SYNDIG1: variants seen among roughly 807,000 people sequenced by gnomAD.
The protein encoded by SYNDIG1 is synapse differentiation inducing 1, also known as synapse differentiation-inducing gene protein 1.
SYNDIG1 carries 9 observed loss-of-function variants against 19.4 expected under a neutral mutation model. The observed-to-expected ratio is 0.46, with a 90% CI of 0.28 to 0.81. SYNDIG1 has a LOEUF of 0.81. SYNDIG1 is among the 30% of genes least tolerant of loss of function. The pLI, the probability that SYNDIG1 is intolerant of heterozygous loss-of-function variation, is 0.12. For missense variants in SYNDIG1, 311 were observed against 343.3 expected, an observed-to-expected ratio of 0.91 and a Z score of 0.74; for synonymous variants, 141 against 145.9, an observed-to-expected ratio of 0.97 and a Z score of 0.24.
chr20:24,495,245 C>T (rs1467632405), intron 1 of SYNDIG1, among the ~76,000 whole-genome samples: 1 of 152,210 alleles, frequency 6.6e-6, no homozygotes, highest in Non-Finnish European at 1.5e-5. Flanking sequence ...TTTCAGAAGA[C>T]AGGACTACCC....
intron 2 of SYNDIG1, among the ~76,000 whole-genome samples, chr20:24,578,119 G>T (rs924766742): frequency 6.6e-6 from 1 of 152,210 alleles, no homozygotes; most frequent in Non-Finnish European, 1.5e-5. Flanking sequence ...TGGATAAAAT[G>T]TGCAGATTTC....
In SYNDIG1 at chr20:24,665,503, G is replaced by A; in HGVS notation, c.776G>A (p.Ter259=). ...IAYLSKNNHL[*] Reference sequence around the variant, plus strand: ...TACCTCTCCAAGAACAACCACCTGTGAGCTTCCTGCGAATGGAGGGGGAGC... The same window carrying A: ...TACCTCTCCAAGAACAACCACCTGTAAGCTTCCTGCGAATGGAGGGGGAGC... Residue 259 remains the stop codon, a stop_retained_variant, in exon 4 of 4, where the codon TGA becomes TAA. Transcript: ENST00000376862. 3 of 1,613,846 alleles carry A rather than the reference G, an allele frequency of 1.9e-6. No homozygotes were observed. Among genetic ancestry groups the A allele is most frequent in the Non-Finnish European group, 2.5e-6 (3 of 1,179,934 alleles).
chr20:24,504,702 C>A (rs184906340), intron 1 of SYNDIG1, among the ~76,000 whole-genome samples: 1 of 152,162 alleles, frequency 6.6e-6, no homozygotes, highest in Non-Finnish European at 1.5e-5. Context: ...AGGCCAGTCA[C>A]GAGGGAACAT....
intron 3 of SYNDIG1, among the ~76,000 whole-genome samples, chr20:24,610,907 G>T (rs2058836841): frequency 6.6e-6 from 1 of 152,152 alleles, no homozygotes; most frequent in Admixed American, 6.5e-5. Context: ...CTTCTTTGAG[G>T]ACTTTGCCCT....
intron 1 of SYNDIG1, among the ~76,000 whole-genome samples, chr20:24,517,007 T>C (rs1263623691): frequency 2.0e-5 from 3 of 152,152 alleles, no homozygotes; most frequent in African/African-American, 7.2e-5. Context: ...TGTAGGGACA[T>C]GGATGAAGCT....
intron 1 of SYNDIG1, among the ~76,000 whole-genome samples, chr20:24,521,183 G>A (rs1452774064): frequency 6.6e-6 from 1 of 152,200 alleles, no homozygotes; most frequent in East Asian, 1.9e-4. Context: ...ATTCAGGGTA[G>A]CATATGCCAT....
At chr20:24,512,513 G>A (rs1247380181) in intron 1 of SYNDIG1, among the ~76,000 whole-genome samples, 1 of 151,940 alleles carries the variant, frequency 6.6e-6, no homozygotes, top group Non-Finnish European at 1.5e-5. Flanking sequence ...GGCTCCGAGG[G>A]TCCCACGCCC....
At chr20:24,642,757 A>G (rs1290006016) in intron 3 of SYNDIG1, among the ~76,000 whole-genome samples, 2 of 151,482 alleles carry the variant, frequency 1.3e-5, no homozygotes, top group Non-Finnish European at 2.9e-5. Context: ...CTTCAGGTTC[A>G]TCTTGTATGC....
At chr20:24,549,467 G>A (rs1262549443) in intron 2 of SYNDIG1, among the ~76,000 whole-genome samples, 2 of 152,130 alleles carry the variant, frequency 1.3e-5, no homozygotes, top group Non-Finnish European at 2.9e-5. Flanking sequence ...CTTGCAGGAC[G>A]TGGGGTGGGT....
chr20:24,557,738 G>A (rs2057852933), intron 2 of SYNDIG1, among the ~76,000 whole-genome samples: 1 of 152,204 alleles, frequency 6.6e-6, no homozygotes, highest in Non-Finnish European at 1.5e-5. Context: ...TCCCAGTTAG[G>A]CTGCTCGGGG....
At chr20:24,629,595 A>G (rs566661881) in intron 3 of SYNDIG1, among the ~76,000 whole-genome samples, 2 of 152,042 alleles carry the variant, frequency 1.3e-5, no homozygotes, top group South Asian at 4.2e-4. Context: ...TGTTGTGTCA[A>G]GACCATACAA....
intron 1 of SYNDIG1, among the ~76,000 whole-genome samples, chr20:24,498,944 A>AT (rs2056372854): frequency 6.6e-6 from 1 of 152,102 alleles, no homozygotes; most frequent in Non-Finnish European, 1.5e-5. Context: ...TCGAGTTTCC[A>AT]TTTTTTGAGA....
At position 24,561,759 on chromosome 20, in the gene SYNDIG1, T is replaced by C. The variant is rs2057950789; in HGVS notation, c.480+18182T>C. On this transcript the variant is annotated intron_variant, in intron 2 of 3. Coordinates refer to ENST00000376862, the MANE Select transcript of SYNDIG1 (RefSeq NM_024893.3). ...CCTAGCAGAAGCCGTGCCAGGATAC[T>C]ATCTAAGCGCTGGGCGTGCATTTCC... Among the ~76,000 whole-genome samples the C allele has an allele frequency of 2.0e-5, 3 of 152,132 alleles. No homozygotes were observed. In the South Asian group the frequency reaches 6.2e-4, roughly 31 times the overall value.
At chr20:24,622,104 T>G (rs1196120881) in intron 3 of SYNDIG1, among the ~76,000 whole-genome samples, 1 of 152,216 alleles carries the variant, frequency 6.6e-6, no homozygotes, top group Non-Finnish European at 1.5e-5. Flanking sequence ...GACATGTAAT[T>G]TAAAACAATT....
chr20:24,524,400 C>T (rs2057072206), intron 1 of SYNDIG1, among the ~76,000 whole-genome samples: 1 of 152,176 alleles, frequency 6.6e-6, no homozygotes, highest in South Asian at 2.1e-4. Flanking sequence ...AATCCCAGCA[C>T]TTTGGGAGGC....
intron 2 of SYNDIG1, among the ~76,000 whole-genome samples, chr20:24,569,426 A>G (rs2058105446): frequency 6.6e-6 from 1 of 152,220 alleles, no homozygotes; most frequent in South Asian, 2.1e-4. Flanking sequence ...CCACATGCCC[A>G]GAGAGAGCAT....
At chr20:24,493,366 GCACA>G (rs895063446) in intron 1 of SYNDIG1, among the ~76,000 whole-genome samples, 6 of 152,054 alleles carry the variant, frequency 3.9e-5, no homozygotes, top group African/African-American at 2.4e-5. Context: ...AAACACGCAT[GCACA>G]CACACATGTG....
intron 1 of SYNDIG1, among the ~76,000 whole-genome samples, chr20:24,540,057 C>A (rs989048203): frequency 6.6e-6 from 1 of 152,176 alleles, no homozygotes; most frequent in African/African-American, 2.4e-5. Flanking sequence ...ACTGAGATTA[C>A]AGGCATGACC....
chr20:24,543,997 G>C (rs1384086024), intron 2 of SYNDIG1, among the ~76,000 whole-genome samples: 1 of 152,200 alleles, frequency 6.6e-6, no homozygotes, highest in African/African-American at 2.4e-5. Flanking sequence ...ACTGTCACCT[G>C]TGGTTCCTTG....
Sources: gnomAD v4.1 joint callset for allele counts (sites outside exome capture counted in the v4.1 genomes callset) on GRCh38, gnomAD v4.1.1 for gene constraint, MANE v1.5 for transcripts, NCBI Gene and HGNC (gene_info 2026-07-23, HGNC 2026-07-21) for gene names.